The following FYB2 variants were observed in gnomAD, a reference collection of about 807,000 sequenced individuals.
The protein encoded by FYB2 is FYN-binding protein 2.
Under a neutral mutation model 94.1 loss-of-function variants are expected in FYB2, and 103 were observed. That is an observed-to-expected ratio of 1.09 (90% CI 0.93 to 1.29). The LOEUF (loss-of-function observed/expected upper bound fraction) is 1.29. Ranked by LOEUF, FYB2 falls within the 50% of genes most tolerant of loss-of-function variation. The probability of loss-of-function intolerance (pLI) is 0.00; values close to 1 mark genes in which losing one functional copy is unlikely to be tolerated. For missense variants in FYB2, 896 were observed against 841.5 expected, an observed-to-expected ratio of 1.06 and a Z score of -0.80; for synonymous variants, 293 against 287.9, an observed-to-expected ratio of 1.02 and a Z score of -0.18.
At position 56,815,296 on chromosome 1, in the gene FYB2, C is replaced by T. The variant is rs140991381; in HGVS notation, c.9+3986G>A. Among the ~76,000 whole-genome samples the T allele has an allele frequency of 3.0e-3, 456 of 152,282 alleles. 1 individual carries two copies. Among genetic ancestry groups the T allele is most frequent in the African/African-American group, 0.01 (433 of 41,560 alleles). On this transcript the variant is annotated intron_variant, in intron 1 of 19. Coordinates refer to ENST00000343433, the MANE Select transcript of FYB2 (RefSeq NM_001004303.5). Reference sequence around the variant, plus strand: ...CTCCTCCTCTGACATTCAGCTAAGACACCAGCTTCTCTAAGGAGCCCAGGA... The same window carrying T: ...CTCCTCCTCTGACATTCAGCTAAGATACCAGCTTCTCTAAGGAGCCCAGGA...
At chr1:56,819,471 C>A, upstream of FYB2, 1 of 855,790 alleles carries the variant, frequency 1.2e-6, no homozygotes, top group Non-Finnish European at 1.8e-6. Flanking sequence ...TTGCCTGGGG[C>A]TGGGCCAGGG....
chr1:56,745,828 C>T (rs1049866695), intron 9 of FYB2, among the ~76,000 whole-genome samples: 4 of 151,882 alleles, frequency 2.6e-5, no homozygotes, highest in Non-Finnish European at 4.4e-5. Context: ...TCTGTGACCC[C>T]ATCTCCTACT....
chr1:56,765,889 A>T (rs1645610372), intron 5 of FYB2, among the ~76,000 whole-genome samples: 1 of 152,196 alleles, frequency 6.6e-6, no homozygotes, highest in Admixed American at 6.5e-5. Context: ...ATAGGACAAA[A>T]GTACATCTGT....
At chr1:56,746,087 C>CATA (rs35346454) in intron 9 of FYB2, among the ~76,000 whole-genome samples, 36,427 of 151,570 alleles carry the variant, frequency 0.24, 5,633 homozygotes, top group African/African-American at 0.43. Context: ...TTTATTTTTT[C>CATA]ATATTTACTA....
At chr1:56,741,257 G>T (rs1175261033) in intron 12 of FYB2, among the ~76,000 whole-genome samples, 1 of 152,082 alleles carries the variant, frequency 6.6e-6, no homozygotes, top group Non-Finnish European at 1.5e-5. Flanking sequence ...CAACTATGAA[G>T]GGAGTAATGA....
intron 15 of FYB2, among the ~76,000 whole-genome samples, chr1:56,733,616 G>T (rs1644762851): frequency 1.3e-5 from 2 of 152,130 alleles, no homozygotes; most frequent in South Asian, 4.1e-4. Flanking sequence ...GTGTCCCAGA[G>T]ATTCTGGTAC....
At chr1:56,819,475 G>T, upstream of FYB2, 2 of 771,702 alleles carry the variant, frequency 2.6e-6, no homozygotes, top group Non-Finnish European at 4.1e-6. Context: ...CTGGGGCTGG[G>T]CCAGGGCCGG....
chr1:56,739,507 T>A (rs961735844), intron 13 of FYB2, among the ~76,000 whole-genome samples: 9 of 152,052 alleles, frequency 5.9e-5, no homozygotes, highest in Non-Finnish European at 1.0e-4. Context: ...TAGAACAACA[T>A]AATTCCATCT....
chr1:56,817,009 C>T (rs566563497), intron 1 of FYB2, among the ~76,000 whole-genome samples: 2 of 152,282 alleles, frequency 1.3e-5, no homozygotes, highest in African/African-American at 4.8e-5. Flanking sequence ...GCAATAATCT[C>T]CTACCTGGTC....
chr1:56,785,818 CG>C (rs1646121775), intron 4 of FYB2, among the ~76,000 whole-genome samples: 1 of 152,194 alleles, frequency 6.6e-6, no homozygotes, highest in African/African-American at 2.4e-5. Flanking sequence ...GTTTCCTCTT[CG>C]GGGATAGGTT....
At chr1:56,743,118 G>T (rs1391854420) in intron 11 of FYB2, among the ~76,000 whole-genome samples, 1 of 151,846 alleles carries the variant, frequency 6.6e-6, no homozygotes, top group Non-Finnish European at 1.5e-5. Context: ...TAATACTTTT[G>T]TTATTAACTA....
In FYB2 at chr1:56,719,446, G is replaced by GTAGA. The variant is rs574766017; in HGVS notation, c.*221_*224dup. On this transcript the variant is annotated 3_prime_UTR_variant, in exon 20 of 20. Transcript: ENST00000343433. ...CACATTCTCTTGAACTGACAGTGAAGTAGATACTGAAATAGACATTGAAAG... is the reference window on the plus strand; with the variant it reads ...CACATTCTCTTGAACTGACAGTGAAGTAGATAGATACTGAAATAGACATTGAAAG... The GTAGA allele has an allele frequency of 5.5e-4, 267 of 486,938 alleles. 1 individual carries two copies. Among genetic ancestry groups the GTAGA allele is most frequent in the African/African-American group, 4.9e-3 (246 of 50,690 alleles). 30.2% of individuals were successfully genotyped at this position (486,938 alleles called of 1,614,324 possible). A position where few individuals can be genotyped will look rare whatever the true frequency, so the allele number is the denominator to read the frequency against.
At chr1:56,771,888 C>T (rs867266819) in intron 4 of FYB2, among the ~76,000 whole-genome samples, 3 of 151,820 alleles carry the variant, frequency 2.0e-5, no homozygotes, top group Non-Finnish European at 4.4e-5. Flanking sequence ...GTTTTCTCTC[C>T]GTTGACTATT....
At chr1:56,769,535 T>C (rs978381082) in intron 4 of FYB2, among the ~76,000 whole-genome samples, 2 of 152,184 alleles carry the variant, frequency 1.3e-5, no homozygotes, top group African/African-American at 2.4e-5. Context: ...AGCTATACTA[T>C]TATTTTCCAT....
At chr1:56,755,360 T>C (rs1327744606) in intron 7 of FYB2, among the ~76,000 whole-genome samples, 4 of 152,012 alleles carry the variant, frequency 2.6e-5, no homozygotes, top group African/African-American at 9.7e-5. Context: ...AGGCAAGGGA[T>C]TGGTCACTTC....
intron 9 of FYB2, among the ~76,000 whole-genome samples, chr1:56,748,902 T>C (rs886457924): frequency 6.6e-6 from 1 of 152,028 alleles, no homozygotes; most frequent in African/African-American, 2.4e-5. Context: ...CAATAAAATG[T>C]CCCAGTTTTT....
intron 4 of FYB2, among the ~76,000 whole-genome samples, chr1:56,784,266 G>A (rs1448336879): frequency 1.3e-5 from 2 of 152,022 alleles, no homozygotes; most frequent in Non-Finnish European, 2.9e-5. Context: ...AGAAGCTAAA[G>A]CATTTTCCCA....
At chr1:56,767,484 G>C (rs1645651733) in intron 5 of FYB2, among the ~76,000 whole-genome samples, 1 of 152,146 alleles carries the variant, frequency 6.6e-6, no homozygotes, top group Non-Finnish European at 1.5e-5. Context: ...GGAGAAAAGA[G>C]ATGAAGTTTC....
At chr1:56,786,604 A>C (rs1646137688) in intron 4 of FYB2, among the ~76,000 whole-genome samples, 2 of 152,162 alleles carry the variant, frequency 1.3e-5, no homozygotes, top group Non-Finnish European at 1.5e-5. Flanking sequence ...CAAGTGGCAA[A>C]CTTTCTGAGC....
Sources: allele counts gnomAD v4.1 joint callset (sites outside exome capture counted in the v4.1 genomes callset), GRCh38; gene constraint gnomAD v4.1.1; transcripts MANE v1.5; gene names NCBI Gene and HGNC (gene_info 2026-07-23, HGNC 2026-07-21).